PCSK2: variants seen among roughly 807,000 people sequenced by gnomAD.
PCSK2 encodes neuroendocrine convertase 2.
Under a neutral mutation model 69.7 loss-of-function variants are expected in PCSK2, and 14 were observed. The observed-to-expected ratio is 0.20, with a 90% CI of 0.13 to 0.31. The LOEUF (loss-of-function observed/expected upper bound fraction) is 0.31. PCSK2 is among the 10% of genes least tolerant of loss of function. The probability of loss-of-function intolerance (pLI) is 1.00; values close to 1 mark genes in which losing one functional copy is unlikely to be tolerated. For synonymous variants in PCSK2, 307 were observed against 320.7 expected, an observed-to-expected ratio of 0.96 and a Z score of 0.46; for missense variants, 544 against 842.5, an observed-to-expected ratio of 0.65 and a Z score of 4.39.
chr20:17,282,931 G>A (rs1332121576), intron 2 of PCSK2, among the ~76,000 whole-genome samples: 2 of 152,092 alleles, frequency 1.3e-5, no homozygotes, highest in African/African-American at 4.8e-5. Flanking sequence ...TATGTTCTAG[G>A]GTAAGACTTT....
intron 5 of PCSK2, among the ~76,000 whole-genome samples, chr20:17,408,608 T>C (rs2031804177): frequency 6.6e-6 from 1 of 152,266 alleles, no homozygotes; most frequent in Non-Finnish European, 1.5e-5. Flanking sequence ...TTGATGTCTG[T>C]TCCCGCAACT....
chr20:17,247,818 T>C (rs1284769923), intron 1 of PCSK2, among the ~76,000 whole-genome samples: 1 of 152,246 alleles, frequency 6.6e-6, no homozygotes, highest in Admixed American at 6.5e-5. Flanking sequence ...TTAACACTTC[T>C]TTTTATCTGT....
chr20:17,435,053 A>G (rs547437212), intron 7 of PCSK2, among the ~76,000 whole-genome samples: 1 of 152,350 alleles, frequency 6.6e-6, no homozygotes, highest in Non-Finnish European at 1.5e-5. Flanking sequence ...TATTCTAGAT[A>G]ATCTTCCTCC....
intron 4 of PCSK2, among the ~76,000 whole-genome samples, chr20:17,368,658 C>G (rs1247652693): frequency 6.6e-6 from 1 of 152,170 alleles, no homozygotes; most frequent in African/African-American, 2.4e-5. Flanking sequence ...GGCAACAAGA[C>G]AGGCCACCAT....
intron 5 of PCSK2, among the ~76,000 whole-genome samples, chr20:17,372,552 T>TA: frequency 6.6e-6 from 1 of 152,262 alleles, no homozygotes; most frequent in Non-Finnish European, 1.5e-5. Context: ...ATGCTGAACT[T>TA]AAACTAGATG....
At chr20:17,299,469 A>T (rs1225229315) in intron 2 of PCSK2, among the ~76,000 whole-genome samples, 1 of 152,062 alleles carries the variant, frequency 6.6e-6, no homozygotes, top group Non-Finnish European at 1.5e-5. Flanking sequence ...TTTAACAACC[A>T]TATTTTTAAT....
chr20:17,267,100 G>A (rs1462876931), intron 2 of PCSK2, among the ~76,000 whole-genome samples: 3 of 152,104 alleles, frequency 2.0e-5, no homozygotes, highest in African/African-American at 7.2e-5. Context: ...AGCTCTCCGT[G>A]CCCAATCCAG....
At chr20:17,400,813 G>T (rs1313937408) in intron 5 of PCSK2, among the ~76,000 whole-genome samples, 1 of 151,994 alleles carries the variant, frequency 6.6e-6, no homozygotes, top group African/African-American at 2.4e-5. Context: ...AACATTTCTT[G>T]GGAATGAGTT....
At position 17,453,639 on chromosome 20, in the gene PCSK2, A is replaced by G; in HGVS notation, c.886-103A>G. On this transcript the variant is annotated intron_variant, in intron 8 of 11. Coordinates refer to ENST00000262545, the MANE Select transcript of PCSK2 (RefSeq NM_002594.5). This position sits in a 1 kb window ranked among gnomAD's most constrained non-coding sequence, Gnocchi z 4.0. ...AGTTTAAAAAGTGCACCCAGTCTTT[A>G]GGTTCAACTGCTGAAGAAGCCCAAC... The G allele has an allele frequency of 8.1e-7, 1 of 1,231,946 alleles. No homozygotes were observed. 76.3% of individuals were successfully genotyped at this position (1,231,946 alleles called of 1,614,324 possible).
At chr20:17,459,771 C>A (rs1475608853) in intron 10 of PCSK2, among the ~76,000 whole-genome samples, 1 of 152,182 alleles carries the variant, frequency 6.6e-6, no homozygotes, top group Non-Finnish European at 1.5e-5. Context: ...GGCCCAGGAA[C>A]CTGACTTTTC....
chr20:17,277,796 G>A (rs1487688366), intron 2 of PCSK2, among the ~76,000 whole-genome samples: 1 of 151,798 alleles, frequency 6.6e-6, no homozygotes, highest in African/African-American at 2.4e-5. Context: ...TACAGAATGG[G>A]AGAAAATTTT....
At chr20:17,262,220 G>A (rs74422863) in intron 2 of PCSK2, among the ~76,000 whole-genome samples, 2,641 of 152,092 alleles carry the variant, frequency 0.017, 70 homozygotes, top group African/African-American at 0.061. Context: ...CACCAAAAGG[G>A]GTGCCTATTT....
At chr20:17,331,016 A>G (rs565747033) in intron 2 of PCSK2, among the ~76,000 whole-genome samples, 1 of 152,332 alleles carries the variant, frequency 6.6e-6, no homozygotes, top group East Asian at 1.9e-4. Context: ...CCAGGTTACA[A>G]GGGAAGCTGG....
At chr20:17,313,246 C>G (rs1350845823) in intron 2 of PCSK2, among the ~76,000 whole-genome samples, 1 of 152,140 alleles carries the variant, frequency 6.6e-6, no homozygotes, top group Non-Finnish European at 1.5e-5. Context: ...ACTCACAGCA[C>G]ACCTCAACTC....
At chr20:17,251,217 C>G (rs1306303314) in intron 1 of PCSK2, among the ~76,000 whole-genome samples, 2 of 152,208 alleles carry the variant, frequency 1.3e-5, no homozygotes, top group Non-Finnish European at 2.9e-5. Flanking sequence ...AAGCAAAATA[C>G]AGCACACATA....
intron 5 of PCSK2, among the ~76,000 whole-genome samples, chr20:17,385,856 G>C (rs1190767669): frequency 6.6e-6 from 1 of 152,190 alleles, no homozygotes; most frequent in South Asian, 2.1e-4. Context: ...ACATGAAGGA[G>C]AAAGAGTACA....
chr20:17,369,333 C>T, intron 5 of PCSK2, 56 bp downstream of exon 5: 2 of 1,427,900 alleles, frequency 1.4e-6, no homozygotes, highest in Non-Finnish European at 2.0e-6. Context: ...GTCCTGGTGT[C>T]CCTGGCTATT....
At chr20:17,255,197 C>T (rs1938183906) in intron 1 of PCSK2, among the ~76,000 whole-genome samples, 2 of 152,202 alleles carry the variant, frequency 1.3e-5, no homozygotes, top group South Asian at 4.1e-4. Context: ...CTCCAGTACA[C>T]TCTTGAATGG....
At chr20:17,269,263 C>T (rs180974917) in intron 2 of PCSK2, among the ~76,000 whole-genome samples, 27 of 152,084 alleles carry the variant, frequency 1.8e-4, no homozygotes, top group African/African-American at 5.5e-4. Flanking sequence ...AGCTTACCTA[C>T]GAAATGAGTG....
Sources: gnomAD v4.1 joint callset for allele counts (sites outside exome capture counted in the v4.1 genomes callset) on GRCh38, gnomAD v4.1.1 for gene constraint, Gnocchi (gnomAD v3.1) non-coding constraint, MANE v1.5 for transcripts, NCBI Gene and HGNC (gene_info 2026-07-23, HGNC 2026-07-21) for gene names.